Variants in IFT122 observed in about 807,000 individuals in gnomAD.
IFT122 encodes intraflagellar transport protein 122 homolog.
IFT122 carries 118 observed loss-of-function variants against 161.6 expected under a neutral mutation model. That is an observed-to-expected ratio of 0.73 (90% CI 0.63 to 0.85). The LOEUF (loss-of-function observed/expected upper bound fraction) is 0.85, where lower values mean the gene tolerates loss of function less well. Among genes scored for constraint, IFT122 ranks in the 40% least tolerant of loss-of-function variants. The pLI, the probability that IFT122 is intolerant of heterozygous loss-of-function variation, is 0.00. For synonymous variants in IFT122, 550 were observed against 602.4 expected, an observed-to-expected ratio of 0.91 and a Z score of 1.27; for missense variants, 1,381 against 1,579.6, an observed-to-expected ratio of 0.87 and a Z score of 2.13.
At chr3:129,513,554 T>C (rs1418510537) in intron 24 of IFT122, 2 of 154,490 alleles carry the variant, frequency 1.3e-5, no homozygotes, top group African/African-American at 4.8e-5. Flanking sequence ...TGAGCACCTG[T>C]ACTCATCCTT....
intron 3 of IFT122, among the ~76,000 whole-genome samples, chr3:129,457,566 G>T (rs965180600): frequency 1.3e-5 from 2 of 152,092 alleles, no homozygotes. Context: ...TCCACTGAAG[G>T]ATCTCATCCT....
Position 129,518,610 on chromosome 3 carries a change from A to G in IFT122, c.3392-497A>G, listed in dbSNP as rs539625157. ...GGTGCTGTGCCCACTCCAACTTGGT[A>G]CCAGCAGTCCCCATGTCCTGGGCCT... On this transcript the variant is annotated intron_variant, in intron 27 of 29. Coordinates refer to ENST00000348417, the MANE Select transcript of IFT122 (RefSeq NM_052989.3). 2.0e-5 allele frequency among the ~76,000 whole-genome samples: 3 copies of G among 152,218 alleles called. No homozygotes were observed. The South Asian group carries it at 6.2e-4, about 32-fold the overall frequency.
intron 1 of IFT122, among the ~76,000 whole-genome samples, chr3:129,449,349 A>G (rs2074456573): frequency 6.6e-6 from 1 of 152,236 alleles, no homozygotes; most frequent in Non-Finnish European, 1.5e-5. Context: ...CTTAGAGGTG[A>G]GAAAATGTGA....
In IFT122 at chr3:129,495,535, G is replaced by A. The variant is rs766843185; in HGVS notation, c.2136G>A (p.Leu712=). 8.1e-6 allele frequency: 13 copies of A among 1,614,094 alleles called. No individual in the cohort carries two copies. Among genetic ancestry groups the A allele is most frequent in the Non-Finnish European group, 1.1e-5 (13 of 1,180,050 alleles). ...YQGKFHEAAK[L]YKRSGHENLA... ...GGAAGTTCCATGAGGCCGCCAAACTGTACAAGAGGAGTGGGCACGAGAACC... is the reference window on the plus strand; with the variant it reads ...GGAAGTTCCATGAGGCCGCCAAACTATACAAGAGGAGTGGGCACGAGAACC... The change falls in exon 18 of 30, where the codon CTG becomes CTA. Residue 712 remains leucine, a synonymous_variant. Coordinates refer to ENST00000348417, the MANE Select transcript of IFT122 (RefSeq NM_052989.3).
In IFT122 at chr3:129,469,951, A is replaced by G. The variant is rs147385966; in HGVS notation, c.816+534A>G. Among the ~76,000 whole-genome samples the G allele has an allele frequency of 1.6e-3, 251 of 152,300 alleles. 2 individuals are homozygous for G. The highest frequency in any genetic ancestry group is 5.8e-3 in the African/African-American group (239 of 41,544). On this transcript the variant is annotated intron_variant, in intron 9 of 29. Transcript: ENST00000348417. ...CCTGTGTGGTGTGGTATGTGACACA[A>G]TAGAAAGCTGTACAGATAGACAGCT... is the stretch of plus-strand genomic sequence containing the variant.
intron 3 of IFT122, among the ~76,000 whole-genome samples, chr3:129,457,431 C>T (rs188114620): frequency 3.8e-4 from 58 of 152,338 alleles, no homozygotes; most frequent in African/African-American, 1.3e-3. Context: ...TCCATGATGA[C>T]TCCGCTCATT....
At chr3:129,520,135 C>T (rs1419994092) in intron 29 of IFT122, 41 bp from the exon 30 acceptor site, 2 of 1,538,216 alleles carry the variant, frequency 1.3e-6, no homozygotes, top group Non-Finnish European at 1.8e-6. Flanking sequence ...GGCTGATGAG[C>T]ACTAGGGCTT....
intron 20 of IFT122, 52 bp from the exon 21 acceptor site, chr3:129,504,267 A>T: frequency 1.4e-6 from 2 of 1,436,372 alleles, no homozygotes; most frequent in Non-Finnish European, 2.0e-6. Flanking sequence ...CAGTGTTTTC[A>T]TGGGGGCTGC....
In IFT122 at chr3:129,509,320, A is replaced by C. The variant is rs753297718; in HGVS notation, c.2886+1558A>C. ...ATGGTTGACATTGAGTTCTTCGGCA[A>C]CTTCTCCTGTAGTTGTGAGAGGATC... On this transcript the variant is annotated intron_variant, in intron 23 of 29. Transcript: ENST00000348417. Among the ~76,000 whole-genome samples, 3 of 150,130 alleles carry C rather than the reference A, an allele frequency of 2.0e-5. No homozygotes were observed. The East Asian group carries it at 5.8e-4, about 29-fold the overall frequency.
At chr3:129,472,692 T>G (rs1416614547) in intron 9 of IFT122, among the ~76,000 whole-genome samples, 1 of 151,968 alleles carries the variant, frequency 6.6e-6, no homozygotes, top group African/African-American at 2.4e-5. Context: ...TCCTTTCCTC[T>G]GGAACTCTAA....
intron 9 of IFT122, 94 bp from the exon 10 acceptor site, chr3:129,476,221 C>G: frequency 7.4e-7 from 1 of 1,356,900 alleles, no homozygotes; most frequent in Non-Finnish European, 1.0e-6. Context: ...TTCCCAACTC[C>G]CTCTAAAGTT....
chr3:129,476,073 G>A, intron 9 of IFT122: 1 of 541,356 alleles, frequency 1.8e-6, no homozygotes, highest in South Asian at 2.0e-5. Context: ...GCACTTGGGT[G>A]GGACTAGGGG....
rs1249012883 is a variant in IFT122, at chr3:129,506,667, TC to T, written c.2791+120del. The T allele has an allele frequency of 6.4e-6, 9 of 1,406,804 alleles. No homozygotes were observed. The Admixed American group carries it at 1.3e-4, about 21-fold the overall frequency. The allele number at this position is 1,406,804 out of a possible 1,614,324, so 87.1% of individuals were successfully genotyped here. A position where few individuals can be genotyped will look rare whatever the true frequency, so the allele number is the denominator to read the frequency against. ...CTGGGCTTGTTTATTGGGTGTATTG[TC>T]CATAAGCCTGCCTTGCAGTGGCGTA... On this transcript the variant is annotated intron_variant, in intron 22 of 29. Coordinates refer to ENST00000348417, the MANE Select transcript of IFT122 (RefSeq NM_052989.3).
Position 129,520,181 on chromosome 3 carries a change from C to T in IFT122, c.3642C>T (p.Phe1214=). The change falls in exon 30 of 30, where the codon TTC becomes TTT. Residue 1214 remains phenylalanine, a synonymous_variant. Coordinates refer to ENST00000348417, the MANE Select transcript of IFT122 (RefSeq NM_052989.3). ...TTACAGCTGTCTTCCCTTAGATGTTCCATTCTGAGGACTATGAGTTGCTGG... is the reference window on the plus strand; with the variant it reads ...TTACAGCTGTCTTCCCTTAGATGTTTCATTCTGAGGACTATGAGTTGCTGG... ...ITMCPSCFQM[F]HSEDYELLVL... is the part of the protein sequence containing the mutation. The T allele has an allele frequency of 1.2e-6, 2 of 1,611,040 alleles. No individual in the cohort carries two copies. Among genetic ancestry groups the T allele is most frequent in the East Asian group, 4.5e-5 (2 of 44,878 alleles).
chr3:129,464,071 T>A (rs1235000274), intron 6 of IFT122, among the ~76,000 whole-genome samples: 2 of 152,212 alleles, frequency 1.3e-5, no homozygotes. Flanking sequence ...CAGATAGGGA[T>A]AAAAATACTG....
Position 129,518,986 on chromosome 3 carries a change from C to T in IFT122, c.3392-121C>T, listed in dbSNP as rs941951669. The T allele has an allele frequency of 5.9e-6, 5 of 850,022 alleles. No homozygotes were observed. The African/African-American group carries it at 6.6e-5, about 11-fold the overall frequency. 52.7% of individuals were successfully genotyped at this position (850,022 alleles called of 1,614,324 possible). ...TTGGCCTGAGCCCCCTCTGTTCCTC[C>T]ACCTGGAAAACTCTTCCACTGGTCT... is the stretch of plus-strand genomic sequence containing the variant. On this transcript the variant is annotated intron_variant, in intron 27 of 29. Transcript: ENST00000348417.
chr3:129,495,382 T>C, intron 17 of IFT122, 64 bp from the exon 18 acceptor site: 1 of 1,596,564 alleles, frequency 6.3e-7, no homozygotes, highest in Non-Finnish European at 8.5e-7. Flanking sequence ...ACATCTAACC[T>C]TTGTAAAGGC....
chr3:129,447,024 G>A (rs1277217081), intron 1 of IFT122, among the ~76,000 whole-genome samples: 1 of 152,130 alleles, frequency 6.6e-6, no homozygotes, highest in Admixed American at 6.5e-5. Flanking sequence ...TTTGTAATAT[G>A]GCTCTAGCCC....
intron 3 of IFT122, among the ~76,000 whole-genome samples, chr3:129,454,159 GA>G (rs2075171983): frequency 6.6e-6 from 1 of 152,142 alleles, no homozygotes; most frequent in Non-Finnish European, 1.5e-5. Context: ...TGTGTATGCA[GA>G]ATTTCATGCA....
Sources: allele counts gnomAD v4.1 joint callset (sites outside exome capture counted in the v4.1 genomes callset), GRCh38; gene constraint gnomAD v4.1.1; transcripts MANE v1.5; gene names NCBI Gene and HGNC (gene_info 2026-07-23, HGNC 2026-07-21).